Variants in CACNB4 observed in about 807,000 individuals in gnomAD.
CACNB4 encodes the protein calcium voltage-gated channel auxiliary subunit beta 4, also known as voltage-dependent L-type calcium channel subunit beta-4.
In CACNB4, 32 loss-of-function variants were observed where a neutral mutation model predicts 71.2. The ratio of observed to expected loss-of-function variants is 0.45; its 90% confidence interval spans 0.34 to 0.60. The LOEUF (loss-of-function observed/expected upper bound fraction) is 0.60, where lower values mean the gene tolerates loss of function less well. Ranked by LOEUF, CACNB4 falls within the 20% of genes least tolerant of loss-of-function variation. CACNB4 has a pLI of 0.01. For synonymous variants in CACNB4, 231 were observed against 236.9 expected (o/e 0.97, Z 0.23); for missense variants, 464 against 647.9 (o/e 0.72, Z 3.08).
intron 2 of CACNB4, among the ~76,000 whole-genome samples, chr2:151,925,785 G>A (rs1201482975): frequency 2.0e-5 from 3 of 152,130 alleles, no homozygotes; most frequent in Non-Finnish European, 4.4e-5. Context: ...TGGTGGAGAA[G>A]GGTAACATTC....
At chr2:152,032,242 T>A (rs1192461994) in intron 2 of CACNB4, among the ~76,000 whole-genome samples, 1 of 152,064 alleles carries the variant, frequency 6.6e-6, no homozygotes, top group Non-Finnish European at 1.5e-5. Flanking sequence ...TTATCTTTGC[T>A]CCACGGATAA....
At chr2:152,045,155 T>C (rs887774192) in intron 2 of CACNB4, among the ~76,000 whole-genome samples, 1 of 152,214 alleles carries the variant, frequency 6.6e-6, no homozygotes, top group Non-Finnish European at 1.5e-5. Context: ...AGAGGCATCA[T>C]TGGCCAATTT....
intron 2 of CACNB4, among the ~76,000 whole-genome samples, chr2:151,898,609 C>T (rs2099852640): frequency 1.3e-5 from 2 of 152,138 alleles, no homozygotes; most frequent in South Asian, 4.1e-4. Flanking sequence ...TTTTACTTAG[C>T]TATTTTTTAA....
upstream of CACNB4, chr2:152,099,099 G>T (rs928170068): frequency 2.3e-5 from 19 of 811,470 alleles, no homozygotes; most frequent in African/African-American, 3.2e-4. Flanking sequence ...GGGGGAGGGC[G>T]CAGGACTTCC....
intron 4 of CACNB4, among the ~76,000 whole-genome samples, chr2:151,878,875 C>A (rs1366519438): frequency 6.6e-6 from 1 of 151,966 alleles, no homozygotes; most frequent in Non-Finnish European, 1.5e-5. Context: ...TGCATCACTG[C>A]ACTCCAGCCT....
intron 2 of CACNB4, among the ~76,000 whole-genome samples, chr2:151,944,408 T>A (rs2099865066): frequency 6.6e-6 from 1 of 152,098 alleles, no homozygotes; most frequent in African/African-American, 2.4e-5. Flanking sequence ...GAGAATACAG[T>A]AGACAGAAAA....
rs2151303162 is a variant in CACNB4 at position 151,833,459 on chromosome 2, T to C, written c.*5660A>G. The C allele has an allele frequency of 6.6e-6, 1 of 152,132 alleles. No homozygotes were observed. Among genetic ancestry groups the C allele is most frequent in the East Asian group, 1.9e-4 (1 of 5,202 alleles). 9.4% of individuals were successfully genotyped at this position (152,132 alleles called of 1,614,324 possible). ...ACATGTCCAAAATTCAGAGGAGCCC[T>C]ATGAGCTCACTTGCTGTGACTTTCT... On this transcript the variant is annotated 3_prime_UTR_variant, in exon 14 of 14. Coordinates refer to ENST00000539935, the MANE Select transcript of CACNB4 (RefSeq NM_000726.5).
At chr2:151,840,383 C>G (rs2099835869) in intron 13 of CACNB4, among the ~76,000 whole-genome samples, 1 of 152,216 alleles carries the variant, frequency 6.6e-6, no homozygotes, top group Non-Finnish European at 1.5e-5. Flanking sequence ...GAGAACCACT[C>G]TAGGTGGATG....
intron 2 of CACNB4, among the ~76,000 whole-genome samples, chr2:151,918,295 G>A: frequency 6.6e-6 from 1 of 152,142 alleles, no homozygotes; most frequent in East Asian, 1.9e-4. Context: ...TCAACTACAG[G>A]TAGGACACCA....
chr2:151,961,048 T>C (rs1008232774), intron 2 of CACNB4, among the ~76,000 whole-genome samples: 16 of 152,208 alleles, frequency 1.1e-4, no homozygotes, highest in Admixed American at 2.6e-4. Context: ...CTATCATCCA[T>C]GTAAAGGAAA....
In CACNB4 at chr2:151,876,476, C is replaced by T. The variant is rs1359370792; in HGVS notation, c.471G>A (p.Leu157=). The T allele has an allele frequency of 1.2e-6, 2 of 1,605,774 alleles. No individual in the cohort carries two copies. The highest frequency in any genetic ancestry group is 1.7e-6 in the Non-Finnish European group (2 of 1,174,554). ...GTTCTTGCTGGATCCGTATGTTCTC[C>T]AATCTGAGTGGACTTGGAATGAAGC... The part of the protein sequence containing the change: ...EIGFIPSPLR[L]ENIRIQQEQK... Residue 157 remains leucine (L), a synonymous_variant, in exon 5 of 14, where the codon TTG becomes TTA. Coordinates refer to ENST00000539935, the MANE Select transcript of CACNB4 (RefSeq NM_000726.5).
In CACNB4 at chr2:152,098,842, G is replaced by T; in HGVS notation, c.63+107C>A. On this transcript the variant is annotated intron_variant, in intron 1 of 13. Transcript: ENST00000539935. This position sits in a 1 kb window ranked among gnomAD's most constrained non-coding sequence, Gnocchi z 5.3. ...GGGGAGCGGGGCCGCCGACTCCCGG[G>T]ACTGGGGCCCCGCACGCCCGGCACG... is the stretch of plus-strand genomic sequence containing the variant. 1.9e-6 allele frequency: 2 copies of T among 1,069,756 alleles called. No individual in the cohort carries two copies. The highest frequency in any genetic ancestry group is 5.4e-5 in the East Asian group (2 of 37,048). The allele number at this position is 1,069,756 out of a possible 1,614,324, so 66.3% of individuals were successfully genotyped here.
At chr2:151,941,801 G>A (rs1045049223) in intron 2 of CACNB4, among the ~76,000 whole-genome samples, 4 of 152,162 alleles carry the variant, frequency 2.6e-5, no homozygotes, top group African/African-American at 4.8e-5. Flanking sequence ...ATTGTGTTAT[G>A]TACCAAAAAT....
intron 2 of CACNB4, among the ~76,000 whole-genome samples, chr2:152,011,479 A>C (rs1683054374): frequency 6.6e-6 from 1 of 152,036 alleles, no homozygotes; most frequent in East Asian, 1.9e-4. Context: ...CACAGAAATT[A>C]CCCCTGACCC....
At chr2:151,877,967 G>C (rs925247765) in intron 4 of CACNB4, among the ~76,000 whole-genome samples, 3 of 152,106 alleles carry the variant, frequency 2.0e-5, no homozygotes, top group African/African-American at 7.2e-5. Context: ...TCAAGGAAAG[G>C]TTTCAGCTAG....
At chr2:151,973,043 G>A (rs4664512) in intron 2 of CACNB4, 8 of 152,190 alleles carry the variant, frequency 5.3e-5, no homozygotes, top group Admixed American at 5.2e-4. Context: ...CCTGACCTAG[G>A]GGGGAGAAGG....
chr2:151,911,064 G>T (rs1038897789), intron 2 of CACNB4, among the ~76,000 whole-genome samples: 2 of 152,060 alleles, frequency 1.3e-5, no homozygotes, highest in African/African-American at 4.8e-5. Context: ...TCTTTGCAGT[G>T]ATTGTGAATG....
chr2:152,091,431 T>G (rs929161513), intron 2 of CACNB4, among the ~76,000 whole-genome samples: 1 of 152,144 alleles, frequency 6.6e-6, no homozygotes, highest in Non-Finnish European at 1.5e-5. Flanking sequence ...TAAAAATGGT[T>G]GTGCCCCAGC....
intron 2 of CACNB4, among the ~76,000 whole-genome samples, chr2:151,889,088 G>A (rs1444323580): frequency 6.6e-6 from 1 of 152,148 alleles, no homozygotes; most frequent in African/African-American, 2.4e-5. Context: ...ACCATATTGG[G>A]CTGTGCGGTA....
Sources: gnomAD v4.1 joint callset for allele counts (sites outside exome capture counted in the v4.1 genomes callset) on GRCh38, gnomAD v4.1.1 for gene constraint, Gnocchi (gnomAD v3.1) non-coding constraint, MANE v1.5 for transcripts, NCBI Gene and HGNC (gene_info 2026-07-23, HGNC 2026-07-21) for gene names.